The following ACAD9 variants were observed in gnomAD, a reference collection of about 807,000 sequenced individuals.
ACAD9 encodes complex I assembly factor ACAD9, mitochondrial.
Under a neutral mutation model 70.2 loss-of-function variants are expected in ACAD9, and 53 were observed. That is an observed-to-expected ratio of 0.75 (90% CI 0.61 to 0.95). The LOEUF (loss-of-function observed/expected upper bound fraction) is 0.95, where lower values mean the gene tolerates loss of function less well. Ranked by LOEUF, ACAD9 falls within the 40% of genes least tolerant of loss-of-function variation. The pLI, the probability that ACAD9 is intolerant of heterozygous loss-of-function variation, is 0.00. For missense variants in ACAD9, 777 were observed against 802.8 expected (o/e 0.97, Z 0.39); for synonymous variants, 313 against 312.1 (o/e 1.00, Z -0.03).
intron 2 of ACAD9, among the ~76,000 whole-genome samples, chr3:128,887,521 G>T (rs1205418643): frequency 6.6e-6 from 1 of 151,230 alleles, no homozygotes; most frequent in East Asian, 1.9e-4. Flanking sequence ...GTGGGAGAAG[G>T]TACCCAAGCC....
intron 14 of ACAD9, 33 bp from the exon 15 acceptor site, chr3:128,909,311 A>G (rs1265155110): frequency 6.2e-7 from 1 of 1,610,952 alleles, no homozygotes; most frequent in South Asian, 1.1e-5. Flanking sequence ...TGTAGGGATG[A>G]GGTGCTGAAC....
At chr3:128,906,377 T>C (rs1935893468) in intron 12 of ACAD9, 128 bp downstream of exon 12, 2 of 1,414,748 alleles carry the variant, frequency 1.4e-6, no homozygotes, top group Non-Finnish European at 1.9e-6. Context: ...GGGGCTCTCC[T>C]AGCCCTGGCA....
chr3:128,899,305 G>A lies in ACAD9; in HGVS notation c.652G>A (p.Gly218Arg). 1 of 1,614,224 alleles carries A rather than the reference G, an allele frequency of 6.2e-7. No homozygotes were observed. Among genetic ancestry groups the A allele is most frequent in the Non-Finnish European group, 8.5e-7 (1 of 1,180,036 alleles). Residue 218 changes from glycine to arginine, a missense_variant, in exon 7 of 18, where the codon GGA becomes AGA. Physicochemically the swap from Gly to Arg is moderately radical, Grantham distance 125. Coordinates refer to ENST00000308982, the MANE Select transcript of ACAD9 (RefSeq NM_014049.5). ...TCCTCAGGTCTGGATTACTAATGGAGGACTGGCCAATATTTTTACTGTGTT... is the reference window on the plus strand; with the variant it reads ...TCCTCAGGTCTGGATTACTAATGGAAGACTGGCCAATATTTTTACTGTGTT... ...NGSKVWITNG[G>R]LANIFTVFAK...
In ACAD9 at chr3:128,910,848, C is replaced by T. The variant is rs183779245; in HGVS notation, c.1765+35C>T. 108 of 1,608,662 alleles carry T rather than the reference C, an allele frequency of 6.7e-5. No homozygotes were observed. The African/African-American group carries it at 1.2e-3, about 18-fold the overall frequency. ...ATGTCTTGGGGGAGGGAAGGAAGGG[C>T]CCACTTCTAGGCCCCTATTGATGGT... On this transcript the variant is annotated intron_variant, in intron 17 of 17. Transcript: ENST00000308982.
chr3:128,897,668 A>G lies in ACAD9; in HGVS notation c.591A>G (p.Thr197=). 5 of 1,613,966 alleles carry G rather than the reference A, an allele frequency of 3.1e-6. No homozygotes were observed. Among genetic ancestry groups the G allele is most frequent in the Non-Finnish European group, 4.2e-6 (5 of 1,179,926 alleles). Reference sequence around the variant, plus strand: ...CAGCCTCAATCCGGAGCAGAGCCACACTAAGTGAAGACAAGAAGCACTACA... The same window carrying G: ...CAGCCTCAATCCGGAGCAGAGCCACGCTAAGTGAAGACAAGAAGCACTACA... ...SDAASIRSRA[T]LSEDKKHYIL... is the part of the protein sequence containing the mutation. Residue 197 remains threonine (T), a synonymous_variant, in exon 6 of 18, where the codon ACA becomes ACG. Transcript: ENST00000308982.
intron 15 of ACAD9, chr3:128,909,677 A>C (rs1388119867): frequency 1.7e-6 from 1 of 601,792 alleles, no homozygotes; most frequent in Non-Finnish European, 2.9e-6. Flanking sequence ...GCTCCCTAGA[A>C]TCGGGAGGGC....
chr3:128,907,010 G>T (rs1680790), intron 12 of ACAD9, among the ~76,000 whole-genome samples: 37,168 of 152,058 alleles, frequency 0.24, 4,946 homozygotes, highest in East Asian at 0.55. Context: ...TGAGTTGCAG[G>T]GATGAGGCCG....
chr3:128,884,504 T>G (rs1054180935), intron 1 of ACAD9, 149 bp from the exon 2 acceptor site: 8 of 618,192 alleles, frequency 1.3e-5, no homozygotes, highest in East Asian at 2.9e-5. Context: ...AGGAACCTTG[T>G]GAGGTTTGCT....
Position 128,896,538 on chromosome 3 carries a change from T to C in ACAD9, c.554+2T>C. ...CTTCTGCCTCACGGAGCCAGCCAGG[T>C]CTGTCTCTGCACAAAACGTTATCCC... On this transcript the variant is annotated splice_donor_variant, in intron 5 of 17. Transcript: ENST00000308982. LOFTEE classifies it high-confidence loss of function. 6.2e-7 allele frequency: 1 copy of C among 1,613,944 alleles called. No individual in the cohort carries two copies. The highest frequency in any genetic ancestry group is 8.5e-7 in the Non-Finnish European group (1 of 1,179,938).
At chr3:128,897,783 A>C in intron 6 of ACAD9, 73 bp downstream of exon 6, 1 of 1,338,060 alleles carries the variant, frequency 7.5e-7, no homozygotes, top group Non-Finnish European at 1.1e-6. Context: ...AGCACTCTCC[A>C]CACACCAGGG....
chr3:128,910,477 C>T, intron 16 of ACAD9: 1 of 852,310 alleles, frequency 1.2e-6, no homozygotes. Context: ...GGATCTCTGC[C>T]TGCACTTTCC....
chr3:128,893,407 GC>G (rs1935478008), intron 2 of ACAD9, 147 bp from the exon 3 acceptor site: 2 of 654,746 alleles, frequency 3.1e-6, no homozygotes, highest in Non-Finnish European at 5.3e-6. Context: ...TTGAACACAG[GC>G]CAAATGACCA....
At chr3:128,910,717 C>A in intron 16 of ACAD9, 24 bp from the exon 17 acceptor site, 1 of 1,613,968 alleles carries the variant, frequency 6.2e-7, no homozygotes, top group African/African-American at 1.3e-5. Context: ...TTGGGCATAT[C>A]TTTTCTGTCC....
intron 4 of ACAD9, 137 bp from the exon 5 acceptor site, chr3:128,896,299 G>A (rs1935568565): frequency 2.1e-6 from 2 of 959,996 alleles, no homozygotes; most frequent in Non-Finnish European, 3.3e-6. Flanking sequence ...GGCTCTGCCT[G>A]TGGCCGCTTG....
In ACAD9 at chr3:128,908,214, C is replaced by T. The variant is rs377333176; in HGVS notation, c.1308C>T (p.Ile436=). 28 of 1,614,074 alleles carry T rather than the reference C, an allele frequency of 1.7e-5. No individual in the cohort carries two copies. Among genetic ancestry groups the T allele is most frequent in the Middle Eastern group, 1.6e-4 (1 of 6,084 alleles). Residue 436 remains isoleucine (I), a synonymous_variant, in exon 13 of 18, where the codon ATC becomes ATT. Transcript: ENST00000308982. ...EGTNEILRMY[I]ALTGLQHAGR... is the part of the protein sequence containing the mutation. ...CCAATGAGATTCTCCGGATGTACAT[C>T]GCCCTGACGGGTCTGCAGCATGCCG...
At chr3:128,912,365 T>C (rs1936428617) in intron 17 of ACAD9, 142 bp from the exon 18 acceptor site, 1 of 713,728 alleles carries the variant, frequency 1.4e-6, no homozygotes, top group Non-Finnish European at 2.5e-6. Context: ...AATCACTTGC[T>C]GGGGGTCTGG....
At chr3:128,886,124 AC>A (rs1234006816) in intron 2 of ACAD9, among the ~76,000 whole-genome samples, 13 of 151,320 alleles carry the variant, frequency 8.6e-5, no homozygotes, top group Non-Finnish European at 1.8e-4. Flanking sequence ...TTTTTCCGAG[AC>A]AGAGTCTCAC....
Position 128,879,658 on chromosome 3 carries a change from A to C in ACAD9, c.-34A>C, listed in dbSNP as rs1288130824. 1 of 1,609,642 alleles carries C rather than the reference A, an allele frequency of 6.2e-7. No individual in the cohort carries two copies. The highest frequency in any genetic ancestry group is 1.3e-5 in the African/African-American group (1 of 74,410). ...GTGTCCCTGCGGCGCTAAGAAGGGG[A>C]GACTGAGGCTGAGGCTGGGGAACAT... On this transcript the variant is annotated 5_prime_UTR_variant, in exon 1 of 18. Coordinates refer to ENST00000308982, the MANE Select transcript of ACAD9 (RefSeq NM_014049.5).
chr3:128,880,173 T>C, intron 1 of ACAD9: 3 of 568,730 alleles, frequency 5.3e-6, no homozygotes, highest in Non-Finnish European at 8.3e-6. Context: ...GGGCTTCCTC[T>C]CTGATTCCTA....
Sources: allele counts gnomAD v4.1 joint callset (sites outside exome capture counted in the v4.1 genomes callset), GRCh38; gene constraint gnomAD v4.1.1; transcripts MANE v1.5; gene names NCBI Gene and HGNC (gene_info 2026-07-23, HGNC 2026-07-21).